Variants in SYNE1 observed in about 807,000 individuals in gnomAD.
The protein encoded by SYNE1 is nesprin-1.
In SYNE1, 616 loss-of-function variants were observed where a neutral mutation model predicts 1,111.0. The observed-to-expected ratio is 0.55, with a 90% CI of 0.52 to 0.59. SYNE1 has a LOEUF of 0.59. Among genes scored for constraint, SYNE1 ranks in the 20% least tolerant of loss-of-function variants. The probability of loss-of-function intolerance (pLI) is 0.00; values close to 1 mark genes in which losing one functional copy is unlikely to be tolerated. For synonymous variants in SYNE1, 3,855 were observed against 3,825.8 expected, an observed-to-expected ratio of 1.01 and a Z score of -0.28; for missense variants, 10,006 against 10,417.0, an observed-to-expected ratio of 0.96 and a Z score of 1.72.
chr6:152,155,051 G>C lies in SYNE1; in HGVS notation c.23979-9C>G, dbSNP rs1486340756. 6.2e-7 allele frequency: 1 copy of C among 1,614,000 alleles called. No individual in the cohort carries two copies. Among genetic ancestry groups the C allele is most frequent in the South Asian group, 1.1e-5 (1 of 91,072 alleles). The stretch of plus-strand genomic sequence containing the variant: ...GCCACGTCTCTTCGATTCTGGGGCG[G>C]AAAATGAAAGAACAGATTCAGATTA... On this transcript the variant is annotated splice_polypyrimidine_tract_variant and intron_variant, in intron 132 of 145. Transcript: ENST00000367255.
chr6:152,149,201 C>A (rs1176566735), intron 136 of SYNE1, among the ~76,000 whole-genome samples: 1 of 152,190 alleles, frequency 6.6e-6, no homozygotes, highest in African/African-American at 2.4e-5. Context: ...CTTCTAAACT[C>A]TTTGTATACA....
rs139416573 is a variant in SYNE1 at position 152,559,785 on chromosome 6, C to A, written c.68-19764G>T. Among the ~76,000 whole-genome samples, 1,229 of 151,976 alleles carry A rather than the reference C, an allele frequency of 8.1e-3. 11 individuals carry two copies. The highest frequency in any genetic ancestry group is 0.027 in the African/African-American group (1,105 of 41,446). On this transcript the variant is annotated intron_variant, in intron 3 of 145. Transcript: ENST00000367255. ...AGGAAGGAAATAACAAAGATCAGGG[C>A]AGAAATAAATGGAATCAAGACTAGA...
chr6:152,164,147 C>T lies in SYNE1; in HGVS notation c.23790+16G>A. ...ATTCCATGGCTTATTAATTCCATTTCCATTTTAAGTCTTACCTGCTGCTCA... is the reference window on the plus strand; with the variant it reads ...ATTCCATGGCTTATTAATTCCATTTTCATTTTAAGTCTTACCTGCTGCTCA... On this transcript the variant is annotated intron_variant, in intron 131 of 145. Transcript: ENST00000367255. The T allele has an allele frequency of 6.2e-7, 1 of 1,614,064 alleles. No homozygotes were observed. Among genetic ancestry groups the T allele is most frequent in the Non-Finnish European group, 8.5e-7 (1 of 1,179,976 alleles).
chr6:152,191,021 A>T (rs1285566368), intron 127 of SYNE1, among the ~76,000 whole-genome samples: 1 of 152,226 alleles, frequency 6.6e-6, no homozygotes, highest in Non-Finnish European at 1.5e-5. Flanking sequence ...CAGCATCAAT[A>T]GAAATGATCA....
intron 93 of SYNE1, among the ~76,000 whole-genome samples, chr6:152,294,526 A>T (rs2094773013): frequency 6.6e-6 from 1 of 152,206 alleles, no homozygotes. Context: ...TAAAGTTTTA[A>T]ATAATTTAAA....
chr6:152,262,101 G>T lies in SYNE1; in HGVS notation c.18903C>A (p.Ser6301Arg), dbSNP rs751862057. The stretch of plus-strand genomic sequence containing the variant: ...GCTTGGTACTAAATTCTTGATGTAG[G>T]CTTTCCCATTTCATTCTCATCTGGT... ...AEDQMRMKWE[S>R]LHQEFSTKQK... Residue 6301 changes from serine (S) to arginine (R), a missense_variant, in exon 101 of 146, where the codon AGC (serine) becomes AGA (arginine). Ser to Arg is a moderately radical substitution (Grantham distance 110). Around this residue, in one of 7 missense-constraint regions of SYNE1, gnomAD observed 2,182 missense variants for 2,287.8 expected, o/e 0.95. Transcript: ENST00000367255. The T allele has an allele frequency of 6.2e-7, 1 of 1,613,762 alleles. No individual in the cohort carries two copies. The highest frequency in any genetic ancestry group is 8.5e-7 in the Non-Finnish European group (1 of 1,179,916).
rs2154031806 is a variant in SYNE1, at chr6:152,350,545, G to A, written c.11733+73C>T. The A allele has an allele frequency of 1.9e-6, 3 of 1,596,208 alleles. No individual in the cohort carries two copies. In the East Asian group the frequency reaches 6.7e-5, roughly 36 times the overall value. ...CCCGTACCAGGCCTTAAAATTACATGACAGAGAGAAAGGAGTCAGGGCCCA... is the reference window on the plus strand; with the variant it reads ...CCCGTACCAGGCCTTAAAATTACATAACAGAGAGAAAGGAGTCAGGGCCCA... On this transcript the variant is annotated intron_variant, in intron 71 of 145. Coordinates refer to ENST00000367255, the MANE Select transcript of SYNE1 (RefSeq NM_182961.4).
chr6:152,422,701 G>T (rs2098285109), intron 39 of SYNE1, among the ~76,000 whole-genome samples: 1 of 152,030 alleles, frequency 6.6e-6, no homozygotes, highest in Admixed American at 6.6e-5. Flanking sequence ...TAAAGATGGG[G>T]TCTTGCTATG....
At chr6:152,339,501 G>A (rs1426563752) in intron 74 of SYNE1, 135 bp from the exon 75 acceptor site, 2 of 1,299,484 alleles carry the variant, frequency 1.5e-6, no homozygotes, top group Admixed American at 3.9e-5. Context: ...TTGTGTTCAA[G>A]TGACATATAT....
At chr6:152,636,834 C>T (rs925688276) in intron 1 of SYNE1, 29 bp from the exon 2 acceptor site, 2 of 152,418 alleles carry the variant, frequency 1.3e-5, no homozygotes, top group Non-Finnish European at 2.9e-5. Flanking sequence ...AATCTCAGCC[C>T]GCTGCGGCCG....
chr6:152,179,803 G>A (rs1477176972), intron 129 of SYNE1, among the ~76,000 whole-genome samples: 1 of 144,454 alleles, frequency 6.9e-6, no homozygotes, highest in African/African-American at 2.6e-5. Flanking sequence ...CCCTGCCTCA[G>A]CCTCTAGAGT....
intron 6 of SYNE1, among the ~76,000 whole-genome samples, chr6:152,518,567 A>T (rs2099124050): frequency 6.6e-6 from 1 of 152,142 alleles, no homozygotes. Flanking sequence ...AGCAGCCTGC[A>T]GAACCATGAG....
intron 73 of SYNE1, 111 bp downstream of exon 73, chr6:152,346,948 C>G (rs897982996): frequency 7.3e-7 from 1 of 1,360,852 alleles, no homozygotes; most frequent in African/African-American, 1.4e-5. Flanking sequence ...TGGCAACACA[C>G]CAAAACGAAT....
chr6:152,603,816 ATATATATATAGATATACTATCTATC>A (rs2099602081), intron 3 of SYNE1, among the ~76,000 whole-genome samples: 1 of 147,556 alleles, frequency 6.8e-6, no homozygotes, highest in Admixed American at 6.8e-5. Flanking sequence ...TAGAGAGTAT[ATATATATATAGATATACTATCTATC>A]TATACATATA....
chr6:152,253,197 T>A (rs1287883891), intron 104 of SYNE1, among the ~76,000 whole-genome samples: 2 of 152,154 alleles, frequency 1.3e-5, no homozygotes, highest in Non-Finnish European at 2.9e-5. Context: ...TTCCCTGAGA[T>A]CACCCTAATA....
At chr6:152,404,145 A>C in intron 46 of SYNE1, 68 bp downstream of exon 46, 1 of 1,031,488 alleles carries the variant, frequency 9.7e-7, no homozygotes, top group Non-Finnish European at 1.5e-6. Context: ...ACAGAGACAG[A>C]GAAAGTCTAG....
chr6:152,449,261 G>A (rs367860486), intron 28 of SYNE1, among the ~76,000 whole-genome samples: 180 of 152,156 alleles, frequency 1.2e-3, no homozygotes, highest in African/African-American at 4.0e-3. Flanking sequence ...TGGGTTATAC[G>A]CCCATGCATG....
At chr6:152,249,078 C>T in intron 105 of SYNE1, 83 bp downstream of exon 105, 2 of 993,872 alleles carry the variant, frequency 2.0e-6, no homozygotes, top group East Asian at 2.4e-5. Context: ...AGCCATTAAT[C>T]TTTCATAGAA....
At chr6:152,466,147 T>A in intron 16 of SYNE1, 69 bp from the exon 17 acceptor site, 1 of 991,300 alleles carries the variant, frequency 1.0e-6, no homozygotes, top group Non-Finnish European at 1.6e-6. Flanking sequence ...GTCAATTTTC[T>A]TCAGTATAGC....
Sources: gnomAD v4.1 joint callset for allele counts (sites outside exome capture counted in the v4.1 genomes callset) on GRCh38, gnomAD v4.1.1 for gene constraint, gnomAD v4.1.1 regional missense constraint, MANE v1.5 for transcripts, NCBI Gene and HGNC (gene_info 2026-07-23, HGNC 2026-07-21) for gene names.